Variants in GNB4 observed in about 807,000 individuals in gnomAD.
GNB4 encodes the protein G protein subunit beta 4, also known as guanine nucleotide-binding protein subunit beta-4.
Under a neutral mutation model 45.2 loss-of-function variants are expected in GNB4, and 28 were observed. The ratio of observed to expected loss-of-function variants is 0.62; its 90% CI spans 0.46 to 0.85. The LOEUF (loss-of-function observed/expected upper bound fraction) is 0.85, where lower values mean the gene tolerates loss of function less well. Ranked by LOEUF, GNB4 falls within the 40% of genes least tolerant of loss-of-function variation. The pLI, the probability that GNB4 is intolerant of heterozygous loss-of-function variation, is 0.00. For synonymous variants in GNB4, 132 were observed against 143.7 expected (o/e 0.92, Z 0.58); for missense variants, 321 against 425.4 (o/e 0.75, Z 2.16).
chr3:179,517,888 G>A, the GNB4 span, among the ~76,000 whole-genome samples: 1 of 152,242 alleles, frequency 6.6e-6, no homozygotes, highest in South Asian at 2.1e-4. Flanking sequence ...CGTTTCAGAG[G>A]TGTCTGACCA....
At chr3:179,440,880 T>TAGAGAGAGAGAGAGAG (rs141411562) in intron 1 of GNB4, among the ~76,000 whole-genome samples, 2,103 of 149,090 alleles carry the variant, frequency 0.014, 57 homozygotes, top group African/African-American at 0.045. Context: ...TATAGATAGA[T>TAGAGAGAGAGAGAGAG]AGAGAGAGAG....
chr3:179,519,467 T>C, the GNB4 span, among the ~76,000 whole-genome samples: 1 of 152,192 alleles, frequency 6.6e-6, no homozygotes, highest in African/African-American at 2.4e-5. Flanking sequence ...ATTACCTTCT[T>C]TTCAAGGGCC....
At chr3:179,409,961 G>C (rs1714603234) in intron 8 of GNB4, among the ~76,000 whole-genome samples, 1 of 152,142 alleles carries the variant, frequency 6.6e-6, no homozygotes, top group Non-Finnish European at 1.5e-5. Context: ...CCGGTGGAAG[G>C]TAACTGAATC....
chr3:179,402,391 C>G (rs1714329468), intron 9 of GNB4, among the ~76,000 whole-genome samples: 1 of 152,146 alleles, frequency 6.6e-6, no homozygotes, highest in African/African-American at 2.4e-5. Context: ...AGGCAAAACA[C>G]CAAATATCTT....
At chr3:179,409,450 TGTG>T (rs1714579530) in intron 8 of GNB4, among the ~76,000 whole-genome samples, 1 of 150,844 alleles carries the variant, frequency 6.6e-6, no homozygotes, top group Non-Finnish European at 1.5e-5. Context: ...AGGCAGAGAT[TGTG>T]GTGAGCCAAC....
At position 179,416,012 on chromosome 3, in the gene GNB4, G is replaced by A. The variant is rs138809520; in HGVS notation, c.267+481C>T. On this transcript the variant is annotated intron_variant, in intron 5 of 9. Coordinates refer to ENST00000232564, the MANE Select transcript of GNB4 (RefSeq NM_021629.4). The stretch of plus-strand genomic sequence containing the variant: ...AAACTGGGGATTCCTTCCAGTGGAT[G>A]TATTAGGACCATCCACAGTCTTTTA... Among the ~76,000 whole-genome samples the A allele has an allele frequency of 2.1e-3, 321 of 152,168 alleles. 1 individual carries two copies. The highest frequency in any genetic ancestry group is 7.4e-3 in the African/African-American group (307 of 41,524).
chr3:179,471,854 G>C, the GNB4 span, among the ~76,000 whole-genome samples: 120 of 152,228 alleles, frequency 7.9e-4, no homozygotes, highest in Non-Finnish European at 1.4e-3. Context: ...GTAGATATTT[G>C]GTTAGTACAC....
chr3:179,523,460 T>C, the GNB4 span, among the ~76,000 whole-genome samples: 1 of 151,970 alleles, frequency 6.6e-6, no homozygotes, highest in East Asian at 1.9e-4. Flanking sequence ...GTATTGAGGA[T>C]AGGAGAGTAT....
chr3:179,424,685 G>A (rs1715093002), intron 2 of GNB4, among the ~76,000 whole-genome samples: 1 of 152,120 alleles, frequency 6.6e-6, no homozygotes, highest in East Asian at 1.9e-4. Flanking sequence ...GTTCACTGCA[G>A]CCTCGAACTC....
At chr3:179,422,987 T>C (rs1045192955) in intron 2 of GNB4, among the ~76,000 whole-genome samples, 10 of 152,090 alleles carry the variant, frequency 6.6e-5, no homozygotes, top group Non-Finnish European at 1.0e-4. Flanking sequence ...GAGATGGGGT[T>C]TCACCATGTT....
the GNB4 span, among the ~76,000 whole-genome samples, chr3:179,476,676 G>C: frequency 6.6e-6 from 1 of 152,182 alleles, no homozygotes; most frequent in African/African-American, 2.4e-5. Context: ...AAACATAGGT[G>C]GAGAAAGCCA....
In GNB4 at chr3:179,399,187, C is replaced by T. The variant is rs1415315775; in HGVS notation, c.*2026G>A. ...ATAGCCTACAAATAAACATTAATAG[C>T]AAAAGTTCATATAATTTTTTTTTTT... On this transcript the variant is annotated 3_prime_UTR_variant, in exon 10 of 10. Transcript: ENST00000232564. 6.6e-6 allele frequency: 1 copy of T among 151,874 alleles called. No individual in the cohort carries two copies. Among genetic ancestry groups the T allele is most frequent in the African/African-American group, 2.4e-5 (1 of 41,302 alleles). The allele number at this position is 151,874 out of a possible 1,614,324, so 9.4% of individuals were successfully genotyped here.
At chr3:179,464,065 A>G in the GNB4 span, among the ~76,000 whole-genome samples, 8 of 152,300 alleles carry the variant, frequency 5.3e-5, no homozygotes, top group African/African-American at 1.9e-4. Context: ...TCACATATAT[A>G]TGTATATCAA....
chr3:179,399,090 C>T lies in GNB4; in HGVS notation c.*2123G>A, dbSNP rs922745529. 2 of 152,150 alleles carry T rather than the reference C, an allele frequency of 1.3e-5. No individual in the cohort carries two copies. Among genetic ancestry groups the T allele is most frequent in the African/African-American group, 4.8e-5 (2 of 41,426 alleles). 9.4% of individuals were successfully genotyped at this position (152,150 alleles called of 1,614,324 possible). On this transcript the variant is annotated 3_prime_UTR_variant, in exon 10 of 10. Coordinates refer to ENST00000232564, the MANE Select transcript of GNB4 (RefSeq NM_021629.4). ...AACCTACATGGCAAACTTTCCCCAA[C>T]CCTCTTTTTCTGGAAATGAATACAT...
At chr3:179,518,795 A>G in the GNB4 span, among the ~76,000 whole-genome samples, 1 of 152,216 alleles carries the variant, frequency 6.6e-6, no homozygotes, top group East Asian at 1.9e-4. Context: ...TTTGGCAGCA[A>G]CCCTGAGATG....
At chr3:179,490,169 TAC>T in the GNB4 span, among the ~76,000 whole-genome samples, 2 of 152,216 alleles carry the variant, frequency 1.3e-5, no homozygotes, top group Admixed American at 6.5e-5. Context: ...ATAGCAGATG[TAC>T]TGGAGAAGAT....
chr3:179,469,725 A>G, the GNB4 span, among the ~76,000 whole-genome samples: 3 of 152,246 alleles, frequency 2.0e-5, no homozygotes, highest in East Asian at 1.9e-4. Context: ...TTAGGAAACC[A>G]TTCTTTCCTC....
chr3:179,496,414 A>G, the GNB4 span, among the ~76,000 whole-genome samples: 1 of 152,174 alleles, frequency 6.6e-6, no homozygotes. Context: ...AAAGGAAAAT[A>G]GCAAAAGAGG....
the GNB4 span, among the ~76,000 whole-genome samples, chr3:179,490,285 A>G: frequency 5.3e-5 from 8 of 152,240 alleles, no homozygotes; most frequent in African/African-American, 1.9e-4. Flanking sequence ...AGTACAATCA[A>G]AACATGCAGC....
Sources: gnomAD v4.1 joint callset for allele counts (sites outside exome capture counted in the v4.1 genomes callset) on GRCh38, gnomAD v4.1.1 for gene constraint, MANE v1.5 for transcripts, NCBI Gene and HGNC (gene_info 2026-07-23, HGNC 2026-07-21) for gene names.